OXNAD1: variants seen among roughly 807,000 people sequenced by gnomAD.
The protein encoded by OXNAD1 is oxidoreductase NAD binding domain containing 1.
Under a neutral mutation model 32.9 loss-of-function variants are expected in OXNAD1, and 34 were observed. The observed-to-expected ratio is 1.03, with a 90% CI of 0.79 to 1.38. The LOEUF (loss-of-function observed/expected upper bound fraction) is 1.38. Among genes scored for constraint, OXNAD1 ranks in the 40% most tolerant of loss-of-function variants. OXNAD1 has a pLI of 0.00. For synonymous variants in OXNAD1, 134 were observed against 135.2 expected (o/e 0.99, Z 0.06); for missense variants, 407 against 379.4 (o/e 1.07, Z -0.60).
Position 16,334,034 on chromosome 3 carries a change from G to A in OXNAD1, c.*31-3078G>A, listed in dbSNP as rs374826372. 2.5e-4 allele frequency among the ~76,000 whole-genome samples: 38 copies of A among 152,128 alleles called. 2 individuals carry two copies. The highest frequency in any genetic ancestry group is 3.9e-4 in the East Asian group (2 of 5,162). ...TAAAAAATTAGCCGGGCATGGTGGC[G>A]GGTGCCTGTAGTCCCAGCTACTTGG... On this transcript the variant is annotated intron_variant, in intron 9 of 9. Transcript: ENST00000435829. This position sits in a 1 kb window ranked among gnomAD's most constrained non-coding sequence, Gnocchi z 4.3.
chr3:16,314,148 C>T lies in OXNAD1; in HGVS notation c.*30+10556C>T, dbSNP rs2068168578. Among the ~76,000 whole-genome samples the T allele has an allele frequency of 6.6e-6, 1 of 152,100 alleles. No individual in the cohort carries two copies. On this transcript the variant is annotated intron_variant, in intron 9 of 9. Transcript: ENST00000435829. This position sits in a 1 kb window ranked among gnomAD's most constrained non-coding sequence, Gnocchi z 4.4. The stretch of plus-strand genomic sequence containing the variant: ...GACAGCTGCAGCCTCACAGACTTAA[C>T]TGCCAAGTGCACAAGCTTCCTCATG...
intron 5 of OXNAD1, among the ~76,000 whole-genome samples, chr3:16,294,442 CAG>C (rs1400964219): frequency 3.9e-5 from 6 of 152,172 alleles, no homozygotes; most frequent in African/African-American, 1.2e-4. Context: ...CTCCTGACCT[CAG>C]GGGATCCACC....
At position 16,284,164 on chromosome 3, in the gene OXNAD1, T is replaced by C. The variant is rs191139344; in HGVS notation, c.184-2178T>C. 1.6e-3 allele frequency among the ~76,000 whole-genome samples: 247 copies of C among 152,340 alleles called. No individual in the cohort carries two copies. The highest frequency in any genetic ancestry group is 5.5e-3 in the African/African-American group (230 of 41,582). On this transcript the variant is annotated intron_variant, in intron 4 of 8. Coordinates refer to ENST00000285083, the MANE Select transcript of OXNAD1 (RefSeq NM_138381.5). This position sits in a 1 kb window ranked among gnomAD's most constrained non-coding sequence, Gnocchi z 4.1. Reference sequence around the variant, plus strand: ...CCACACTGCAGTTTCTTGTTGTCCATGTGAGCAGTCTCTGAGATGTTCAGT... The same window carrying C: ...CCACACTGCAGTTTCTTGTTGTCCACGTGAGCAGTCTCTGAGATGTTCAGT...
At chr3:16,340,791 A>C (rs1267130911), downstream of OXNAD1, among the ~76,000 whole-genome samples, 1 of 152,218 alleles carries the variant, frequency 6.6e-6, no homozygotes, top group Non-Finnish European at 1.5e-5. Context: ...TTCAAGGTGA[A>C]GTCAAAGGTG....
chr3:16,282,777 C>A (rs1278639441), intron 4 of OXNAD1, among the ~76,000 whole-genome samples: 1 of 146,198 alleles, frequency 6.8e-6, no homozygotes, highest in East Asian at 2.0e-4. Flanking sequence ...CACAGTGATC[C>A]AGGAGGAGTC....
intron 9 of OXNAD1, among the ~76,000 whole-genome samples, chr3:16,318,331 T>C (rs937462782): frequency 2.4e-4 from 36 of 152,144 alleles, no homozygotes; most frequent in African/African-American, 8.2e-4. Flanking sequence ...ACTTAAATCT[T>C]AGACATTATA....
intron 4 of OXNAD1, among the ~76,000 whole-genome samples, chr3:16,282,619 A>G (rs189602932): frequency 6.6e-6 from 1 of 152,138 alleles, no homozygotes; most frequent in East Asian, 1.9e-4. Flanking sequence ...GTGTTACTTG[A>G]GCAGGGCCTA....
intron 9 of OXNAD1, among the ~76,000 whole-genome samples, chr3:16,313,205 A>ATTT (rs750491540): frequency 2.8e-4 from 29 of 103,800 alleles, no homozygotes; most frequent in Middle Eastern, 5.1e-3. Context: ...CACCCAGCGG[A>ATTT]TTTTTTTTTT....
chr3:16,338,336 G>A (rs1046219129), downstream of OXNAD1, among the ~76,000 whole-genome samples: 1 of 152,218 alleles, frequency 6.6e-6, no homozygotes, highest in African/African-American at 2.4e-5. This position sits in a 1 kb window ranked among gnomAD's most constrained non-coding sequence, Gnocchi z 5.3. Flanking sequence ...CCGGACATGC[G>A]GCGGCTAAGG....
In OXNAD1 at chr3:16,303,231, G is replaced by A. The variant is rs922891575; in HGVS notation, c.785-177G>A. Among the ~76,000 whole-genome samples the A allele has an allele frequency of 1.3e-5, 2 of 152,186 alleles. No individual in the cohort carries two copies. The highest frequency in any genetic ancestry group is 4.8e-5 in the African/African-American group (2 of 41,454). On this transcript the variant is annotated intron_variant, in intron 8 of 8. Transcript: ENST00000285083. This position sits in a 1 kb window ranked among gnomAD's most constrained non-coding sequence, Gnocchi z 4.8. ...GCTTAGGTTTAGGAAGCCTGGAGAT[G>A]CACTCTGCTTGGGTCTGGGCCCAGA... is the stretch of plus-strand genomic sequence containing the variant.
At chr3:16,351,108 G>T (rs2072067839), downstream of OXNAD1, among the ~76,000 whole-genome samples, 1 of 152,156 alleles carries the variant, frequency 6.6e-6, no homozygotes, top group Admixed American at 6.5e-5. The surrounding 1 kb of genome is among the most constrained non-coding windows in gnomAD (Gnocchi z 5.4). Flanking sequence ...GGCCAGAGTA[G>T]GTTTCAGTTA....
rs895440868 is a variant in OXNAD1 at position 16,277,925 on chromosome 3, A to G, written c.183+6203A>G. 1.3e-5 allele frequency among the ~76,000 whole-genome samples: 2 copies of G among 152,236 alleles called. No homozygotes were observed. Among genetic ancestry groups the G allele is most frequent in the Non-Finnish European group, 2.9e-5 (2 of 68,036 alleles). The stretch of plus-strand genomic sequence containing the variant: ...AAGAATAAGCAGTCTGAGTAACCCT[A>G]GAAATGTCAAGGAGATAAAGATAGA... On this transcript the variant is annotated intron_variant, in intron 4 of 8. Transcript: ENST00000285083. This position sits in a 1 kb window ranked among gnomAD's most constrained non-coding sequence, Gnocchi z 4.3.
Position 16,287,734 on chromosome 3 carries a change from G to C in OXNAD1, c.290+1286G>C, listed in dbSNP as rs1349730615. 6.6e-6 allele frequency among the ~76,000 whole-genome samples: 1 copy of C among 152,200 alleles called. No homozygotes were observed. The highest frequency in any genetic ancestry group is 1.5e-5 in the Non-Finnish European group (1 of 68,038). ...ATTGTGCTGCCACCGTGGTGTGCCT[G>C]CAAGTGTAATGCACTTGCTAACCTC... On this transcript the variant is annotated intron_variant, in intron 5 of 8. Coordinates refer to ENST00000285083, the MANE Select transcript of OXNAD1 (RefSeq NM_138381.5). This position sits in a 1 kb window ranked among gnomAD's most constrained non-coding sequence, Gnocchi z 4.8.
At chr3:16,309,251 A>C (rs533374797), downstream of OXNAD1, among the ~76,000 whole-genome samples, 8 of 152,336 alleles carry the variant, frequency 5.3e-5, 1 homozygote, top group South Asian at 1.7e-3. Context: ...GCAATATTGC[A>C]GTAAACCTGT....
chr3:16,323,402 G>A, intron 9 of OXNAD1: 1 of 1,611,168 alleles, frequency 6.2e-7, no homozygotes, highest in South Asian at 1.1e-5. Flanking sequence ...TTGATTTTCT[G>A]AGGTAGACAA....
rs1405814662 is a variant in OXNAD1 at position 16,320,815 on chromosome 3, G to T, written c.*31-16297G>T. ...AGGTAAGAGGGACCAGATCCCTTGG[G>T]GCCTTGAGGGCCACAGTACTGATTT... On this transcript the variant is annotated intron_variant, in intron 9 of 9. Transcript: ENST00000435829. This position sits in a 1 kb window ranked among gnomAD's most constrained non-coding sequence, Gnocchi z 4.5. 6.6e-6 allele frequency among the ~76,000 whole-genome samples: 1 copy of T among 152,176 alleles called. No individual in the cohort carries two copies.
At chr3:16,294,192 C>G (rs1238823469) in intron 5 of OXNAD1, among the ~76,000 whole-genome samples, 3 of 151,514 alleles carry the variant, frequency 2.0e-5, no homozygotes, top group African/African-American at 7.3e-5. Flanking sequence ...CCATCTGGAC[C>G]TGAGCCTTTC....
At chr3:16,286,622 C>T (rs929430185) in intron 5 of OXNAD1, among the ~76,000 whole-genome samples, 174 bp downstream of exon 5, 2 of 152,256 alleles carry the variant, frequency 1.3e-5, no homozygotes, top group Admixed American at 6.5e-5. Context: ...CCTTTTCTGG[C>T]CTCAGAGCCC....
Position 16,336,438 on chromosome 3 carries a change from T to C in OXNAD1, c.*31-674T>C, listed in dbSNP as rs1470624179. 6.6e-6 allele frequency among the ~76,000 whole-genome samples: 1 copy of C among 152,192 alleles called. No homozygotes were observed. Among genetic ancestry groups the C allele is most frequent in the Non-Finnish European group, 1.5e-5 (1 of 68,032 alleles). ...TCTGTGGAGAAACAGCAAAGCCCTC[T>C]GCAGCCAGCACAGCTGGCCTTCCTC... On this transcript the variant is annotated intron_variant, in intron 9 of 9. Coordinates refer to the OXNAD1 transcript ENST00000435829. The surrounding 1 kb of genome is among the most constrained non-coding windows in gnomAD (Gnocchi z 6.0).
Sources: gnomAD v4.1 joint callset for allele counts (sites outside exome capture counted in the v4.1 genomes callset) on GRCh38, gnomAD v4.1.1 for gene constraint, Gnocchi (gnomAD v3.1) non-coding constraint, MANE v1.5 for transcripts, NCBI Gene and HGNC (gene_info 2026-07-23, HGNC 2026-07-21) for gene names.